The following CHD9 variants were observed in gnomAD, a reference collection of about 807,000 sequenced individuals.
CHD9 encodes the protein ATP-dependent chromatin remodeler CHD9.
A neutral mutation model predicts 316.1 loss-of-function variants in CHD9; 77 were observed. That is an observed-to-expected ratio of 0.24 (90% CI 0.20 to 0.29). The LOEUF is 0.29. Among genes scored for constraint, CHD9 ranks in the 10% least tolerant of loss-of-function variants. CHD9 has a pLI of 1.00. For synonymous variants in CHD9, 1,129 were observed against 1,158.3 expected (o/e 0.97, Z 0.51); for missense variants, 2,763 against 3,438.1 (o/e 0.80, Z 4.91).
At chr16:53,296,635 C>T (rs1315026926) in intron 29 of CHD9, among the ~76,000 whole-genome samples, 3 of 151,632 alleles carry the variant, frequency 2.0e-5, no homozygotes, top group African/African-American at 4.8e-5. Flanking sequence ...TTAATAGAGA[C>T]GGGGTTTCAC....
intron 1 of CHD9, among the ~76,000 whole-genome samples, chr16:53,059,316 T>C (rs1218561164): frequency 3.3e-5 from 5 of 151,836 alleles, no homozygotes; most frequent in Non-Finnish European, 7.4e-5. Context: ...GAAAAATATT[T>C]CTGGTGGCTG....
At chr16:53,319,798 GTCTC>G in intron 37 of CHD9, 1 of 1,249,978 alleles carries the variant, frequency 8.0e-7, no homozygotes, top group South Asian at 1.3e-5. Flanking sequence ...ATTGTCTTGA[GTCTC>G]TCGGGTACAG....
chr16:53,115,958 C>T (rs997197967), intron 1 of CHD9, among the ~76,000 whole-genome samples: 3 of 152,128 alleles, frequency 2.0e-5, no homozygotes, highest in Non-Finnish European at 4.4e-5. Context: ...GAAAAGGTTC[C>T]GAGACAAGGA....
intron 19 of CHD9, among the ~76,000 whole-genome samples, chr16:53,261,068 T>C (rs1222845746): frequency 6.7e-6 from 1 of 148,480 alleles, no homozygotes; most frequent in African/African-American, 2.5e-5. Flanking sequence ...TCAGTAGTTT[T>C]ATATTAAAGC....
chr16:53,313,672 C>T (rs893775907), intron 34 of CHD9, among the ~76,000 whole-genome samples: 7 of 150,780 alleles, frequency 4.6e-5, no homozygotes, highest in Admixed American at 2.0e-4. Flanking sequence ...TGGCCAGGTG[C>T]GGTGGCTCAC....
At chr16:53,285,907 G>A (rs2053829947) in intron 25 of CHD9, among the ~76,000 whole-genome samples, 1 of 152,200 alleles carries the variant, frequency 6.6e-6, no homozygotes, top group African/African-American at 2.4e-5. Flanking sequence ...CTTCCTGGAT[G>A]TAAATCTAAG....
chr16:53,126,675 T>C (rs1473024693), intron 1 of CHD9, among the ~76,000 whole-genome samples: 1 of 151,382 alleles, frequency 6.6e-6, no homozygotes, highest in Non-Finnish European at 1.5e-5. Flanking sequence ...CTTTCTTTCG[T>C]TCTTTCTTTC....
chr16:53,102,556 T>G (rs1031402868), intron 1 of CHD9, among the ~76,000 whole-genome samples: 4 of 152,082 alleles, frequency 2.6e-5, no homozygotes, highest in Non-Finnish European at 1.5e-5. Context: ...AAATATTTTT[T>G]TAATAGATTT....
intron 26 of CHD9, among the ~76,000 whole-genome samples, chr16:53,287,270 CT>C (rs1793713502): frequency 6.6e-6 from 1 of 152,126 alleles, no homozygotes; most frequent in Non-Finnish European, 1.5e-5. Context: ...CATGGACCAG[CT>C]TTTTTCGCAT....
At chr16:53,092,874 C>T (rs1171703961) in intron 1 of CHD9, among the ~76,000 whole-genome samples, 2 of 152,094 alleles carry the variant, frequency 1.3e-5, no homozygotes, top group Non-Finnish European at 2.9e-5. Flanking sequence ...AATCTCTCAA[C>T]CTTAAGTGAT....
intron 1 of CHD9, among the ~76,000 whole-genome samples, chr16:53,070,151 G>C (rs944901447): frequency 6.6e-6 from 1 of 151,722 alleles, no homozygotes; most frequent in Non-Finnish European, 1.5e-5. Context: ...TATCTATTTT[G>C]GGTATCAGTC....
chr16:53,264,335 T>C (rs1023293651), intron 20 of CHD9, among the ~76,000 whole-genome samples: 1 of 152,120 alleles, frequency 6.6e-6, no homozygotes, highest in Non-Finnish European at 1.5e-5. Context: ...AGTACAGTGA[T>C]ACTCATTGCA....
intron 4 of CHD9, among the ~76,000 whole-genome samples, chr16:53,225,992 C>G (rs2047621665): frequency 6.6e-6 from 1 of 151,902 alleles, no homozygotes; most frequent in Admixed American, 6.6e-5. Context: ...TTATTCTTAA[C>G]AATAGTTTCT....
intron 24 of CHD9, among the ~76,000 whole-genome samples, chr16:53,280,410 T>G (rs2053293876): frequency 6.6e-6 from 1 of 151,896 alleles, no homozygotes; most frequent in Admixed American, 6.6e-5. Flanking sequence ...TTATTCTAAG[T>G]GAAGTAACTC....
intron 2 of CHD9, among the ~76,000 whole-genome samples, chr16:53,171,465 C>G (rs189390397): frequency 6.6e-6 from 1 of 152,214 alleles, no homozygotes; most frequent in Admixed American, 6.5e-5. Flanking sequence ...GTTGAAGTTT[C>G]TATTGACTGC....
Position 53,254,687 on chromosome 16 carries a change from T to G in CHD9, c.4029+82T>G. The G allele has an allele frequency of 2.2e-6, 3 of 1,333,366 alleles. No individual in the cohort carries two copies. The African/African-American group carries it at 4.4e-5, about 19-fold the overall frequency. The allele number at this position is 1,333,366 out of a possible 1,614,324, so 82.6% of individuals were successfully genotyped here. ...CCTCCAATAGTGTGTCATTTAGTTTTGGTCCATGCAGAATACTAAACACAT... is the reference window on the plus strand; with the variant it reads ...CCTCCAATAGTGTGTCATTTAGTTTGGGTCCATGCAGAATACTAAACACAT... On this transcript the variant is annotated intron_variant, in intron 18 of 38. Transcript: ENST00000447540.
At chr16:53,131,184 G>T (rs939778131) in intron 1 of CHD9, 6 of 150,836 alleles carry the variant, frequency 4.0e-5, no homozygotes, top group African/African-American at 1.5e-4. Flanking sequence ...CGTGTCAGAC[G>T]GGTGGTCGCC....
At chr16:53,144,651 C>T (rs2040416067) in intron 1 of CHD9, among the ~76,000 whole-genome samples, 1 of 151,908 alleles carries the variant, frequency 6.6e-6, no homozygotes, top group Admixed American at 6.6e-5. Context: ...GCCTCAGCCT[C>T]CCGAGTAGCT....
At chr16:53,265,608 G>A (rs1401923100) in intron 20 of CHD9, among the ~76,000 whole-genome samples, 12 of 152,234 alleles carry the variant, frequency 7.9e-5, no homozygotes, top group Non-Finnish European at 1.3e-4. Flanking sequence ...TTTGGGAAGA[G>A]CGTTATAATC....
Sources: gnomAD v4.1 joint callset for allele counts (sites outside exome capture counted in the v4.1 genomes callset) on GRCh38, gnomAD v4.1.1 for gene constraint, MANE v1.5 for transcripts, NCBI Gene and HGNC (gene_info 2026-07-23, HGNC 2026-07-21) for gene names.